GARNL3: variants seen among roughly 807,000 people sequenced by gnomAD.
The protein encoded by GARNL3 is GTPase-activating Rap/Ran-GAP domain-like protein 3.
GARNL3 carries 63 observed loss-of-function variants against 125.0 expected under a neutral mutation model. The ratio of observed to expected loss-of-function variants is 0.50; its 90% CI spans 0.41 to 0.62. The LOEUF is 0.62. Among genes scored for constraint, GARNL3 ranks in the 20% least tolerant of loss-of-function variants. The probability of loss-of-function intolerance (pLI) is 0.00; values close to 1 mark genes in which losing one functional copy is unlikely to be tolerated. For missense variants in GARNL3, 994 were observed against 1,244.0 expected, an observed-to-expected ratio of 0.80 and a Z score of 3.02; for synonymous variants, 439 against 457.5, an observed-to-expected ratio of 0.96 and a Z score of 0.52.
At chr9:127,309,032 A>G (rs1053089318) in intron 2 of GARNL3, among the ~76,000 whole-genome samples, 1 of 152,236 alleles carries the variant, frequency 6.6e-6, no homozygotes, top group African/African-American at 2.4e-5. Context: ...ATTTCCAAAT[A>G]AAAATTCATA....
intron 1 of GARNL3, among the ~76,000 whole-genome samples, chr9:127,281,113 G>C (rs913350): frequency 0.028 from 4,290 of 152,180 alleles, 199 homozygotes; most frequent in African/African-American, 0.099. Flanking sequence ...CAGATATGTG[G>C]GGTGGTAAGT....
rs542756775 is a variant in GARNL3, at chr9:127,283,496, C to A, written c.145-7672C>A. 9.2e-5 allele frequency among the ~76,000 whole-genome samples: 14 copies of A among 152,194 alleles called. No homozygotes were observed. The South Asian group carries it at 2.9e-3, about 32-fold the overall frequency. ...GACCAGTCTGGGCAACATAGTGAGA[C>A]CCTGTCTTTACAAAAAATAAAAAAG... On this transcript the variant is annotated intron_variant, in intron 1 of 27. Transcript: ENST00000373387.
chr9:127,300,599 C>T (rs966449255), intron 2 of GARNL3: 8 of 299,988 alleles, frequency 2.7e-5, no homozygotes, highest in South Asian at 1.8e-4. Flanking sequence ...GGACTACAGG[C>T]ATGCGCCACC....
chr9:127,299,499 A>C (rs920754201), intron 2 of GARNL3, among the ~76,000 whole-genome samples: 3 of 152,164 alleles, frequency 2.0e-5, no homozygotes, highest in African/African-American at 7.2e-5. Context: ...TCCCAGGTTC[A>C]AGCGATTCTC....
intron 22 of GARNL3, among the ~76,000 whole-genome samples, chr9:127,378,039 G>A (rs1171723940): frequency 1.3e-5 from 2 of 151,738 alleles, no homozygotes; most frequent in Non-Finnish European, 2.9e-5. Context: ...TCAGGAGTTC[G>A]AGACCAGTCT....
Position 127,354,332 on chromosome 9 carries a change from C to T in GARNL3, c.1681C>T (p.Leu561=), listed in dbSNP as rs1210521503. The change falls in exon 19 of 28, where the codon CTG becomes TTG. Residue 561 remains leucine (L), a synonymous_variant. Coordinates refer to ENST00000373387, the MANE Select transcript of GARNL3 (RefSeq NM_032293.5). ...ARLFVFRLSA[L]QKGLEGKQAG... The stretch of plus-strand genomic sequence containing the variant: ...CCTCTTTGTCTTCAGGCTAAGTGCT[C>T]TGCAAAAGGGCCTTGAGGGGAAGCA... 8.1e-6 allele frequency: 13 copies of T among 1,613,770 alleles called. No individual in the cohort carries two copies. Among genetic ancestry groups the T allele is most frequent in the Non-Finnish European group, 1.1e-5 (13 of 1,179,896 alleles).
chr9:127,251,409 G>GT (rs941755579), intron 2 of GARNL3, among the ~76,000 whole-genome samples: 1 of 146,734 alleles, frequency 6.8e-6, no homozygotes, highest in Non-Finnish European at 1.5e-5. Context: ...GTTTTGTTTT[G>GT]TTTTTTTCAG....
chr9:127,285,185 A>G (rs951163980), intron 1 of GARNL3, among the ~76,000 whole-genome samples: 5 of 152,120 alleles, frequency 3.3e-5, no homozygotes, highest in African/African-American at 1.2e-4. Context: ...ATGCCTCGGC[A>G]CTTTGGGAGG....
chr9:127,349,910 G>A (rs1380006213), intron 17 of GARNL3, among the ~76,000 whole-genome samples: 1 of 152,170 alleles, frequency 6.6e-6, no homozygotes, highest in Non-Finnish European at 1.5e-5. Flanking sequence ...ATGACATAAT[G>A]GCCTAAAACT....
intron 1 of GARNL3, among the ~76,000 whole-genome samples, chr9:127,273,103 G>T (rs1013287820): frequency 3.3e-5 from 5 of 152,026 alleles, no homozygotes; most frequent in African/African-American, 2.4e-5. Context: ...AACCATATGA[G>T]GTAGGCATTA....
chr9:127,267,477 A>G (rs1014931256), intron 1 of GARNL3, among the ~76,000 whole-genome samples: 2 of 152,148 alleles, frequency 1.3e-5, no homozygotes, highest in African/African-American at 4.8e-5. Flanking sequence ...TCAGAGTCAT[A>G]TTTTAATGGG....
intron 1 of GARNL3, among the ~76,000 whole-genome samples, chr9:127,276,642 C>T (rs1453457323): frequency 6.6e-6 from 1 of 152,242 alleles, no homozygotes; most frequent in Non-Finnish European, 1.5e-5. Flanking sequence ...ATGCCCCAAG[C>T]TGAACTCACC....
chr9:127,336,293 G>A lies in GARNL3; in HGVS notation c.982+57G>A, dbSNP rs1829553140. On this transcript the variant is annotated intron_variant, in intron 11 of 27. Coordinates refer to ENST00000373387, the MANE Select transcript of GARNL3 (RefSeq NM_032293.5). ...GGCAAGCTGTGGTTCAGCCTCACTG[G>A]ACTTCCATGACCCTTAAACCAAATC... The A allele has an allele frequency of 4.2e-6, 5 of 1,193,270 alleles. No homozygotes were observed. The South Asian group carries it at 6.3e-5, about 15-fold the overall frequency. The allele number at this position is 1,193,270 out of a possible 1,614,324, so 73.9% of individuals were successfully genotyped here.
At position 127,331,242 on chromosome 9, in the gene GARNL3, A is replaced by G. The variant is rs558633254; in HGVS notation, c.595-1032A>G. Among the ~76,000 whole-genome samples the G allele has an allele frequency of 6.6e-5, 10 of 152,230 alleles. 1 individual carries two copies. In the South Asian group the frequency reaches 2.1e-3, roughly 32 times the overall value. On this transcript the variant is annotated intron_variant, in intron 7 of 27. Transcript: ENST00000373387. The stretch of plus-strand genomic sequence containing the variant: ...GGTGGCTCACACCTGTAATCCCAGC[A>G]CTTTGGGAGGCTGAGGCAGGTGGAT...
At position 127,313,620 on chromosome 9, in the gene GARNL3, G is replaced by A. The variant is rs953167074; in HGVS notation, c.438+61G>A. The A allele has an allele frequency of 3.4e-5, 37 of 1,089,050 alleles. No homozygotes were observed. In the African/African-American group the frequency reaches 5.4e-4, roughly 16 times the overall value. The allele number at this position is 1,089,050 out of a possible 1,614,324, so 67.5% of individuals were successfully genotyped here. A position where few individuals can be genotyped will look rare whatever the true frequency, so the allele number is the denominator to read the frequency against. ...GCATCAGTTTCAGGAGATAACCCCT[G>A]TGCTGTGGAACTGTGTGCCAGTTTC... On this transcript the variant is annotated intron_variant, in intron 4 of 27. Coordinates refer to ENST00000373387, the MANE Select transcript of GARNL3 (RefSeq NM_032293.5).
At chr9:127,367,493 T>A (rs1305074044) in intron 22 of GARNL3, 1 of 152,208 alleles carries the variant, frequency 6.6e-6, no homozygotes, top group Non-Finnish European at 1.5e-5. Context: ...TTGAAAAAAA[T>A]ATATATTCAC....
intron 2 of GARNL3, among the ~76,000 whole-genome samples, chr9:127,306,851 C>T (rs1027783795): frequency 4.6e-5 from 7 of 152,128 alleles, no homozygotes; most frequent in African/African-American, 1.7e-4. Context: ...CGCCGCTGCA[C>T]TCCAGCATGG....
In GARNL3 at chr9:127,384,543, G is replaced by A. The variant is rs1005112842; in HGVS notation, c.2270-484G>A. Among the ~76,000 whole-genome samples the A allele has an allele frequency of 6.6e-6, 1 of 152,102 alleles. No individual in the cohort carries two copies. Among genetic ancestry groups the A allele is most frequent in the Non-Finnish European group, 1.5e-5 (1 of 68,030 alleles). Reference sequence around the variant, plus strand: ...TGCGAGGGCCAGTGAGGAATAAGATGCAGCCCCGGCTCAGACGTGCAGCTG... The same window carrying A: ...TGCGAGGGCCAGTGAGGAATAAGATACAGCCCCGGCTCAGACGTGCAGCTG... On this transcript the variant is annotated intron_variant, in intron 23 of 27. Coordinates refer to ENST00000373387, the MANE Select transcript of GARNL3 (RefSeq NM_032293.5). This position sits in a 1 kb window ranked among gnomAD's most constrained non-coding sequence, Gnocchi z 4.0.
intron 1 of GARNL3, among the ~76,000 whole-genome samples, chr9:127,277,127 T>C (rs10513480): frequency 0.078 from 11,950 of 152,314 alleles, 647 homozygotes; most frequent in Middle Eastern, 0.13. Flanking sequence ...GCAGTTTGTT[T>C]AAAACCCGTG....
Sources: allele counts gnomAD v4.1 joint callset (sites outside exome capture counted in the v4.1 genomes callset), GRCh38; gene constraint gnomAD v4.1.1; non-coding constraint Gnocchi (gnomAD v3.1); transcripts MANE v1.5; gene names NCBI Gene and HGNC (gene_info 2026-07-23, HGNC 2026-07-21).